Variants in CALN1 observed in about 807,000 individuals in gnomAD.
The protein encoded by CALN1 is calcium-binding protein 8.
CALN1 carries 17 observed loss-of-function variants against 30.6 expected under a neutral mutation model. That is an observed-to-expected ratio of 0.56 (90% CI 0.38 to 0.83). CALN1 has a LOEUF of 0.83. Among genes scored for constraint, CALN1 ranks in the 40% least tolerant of loss-of-function variants. The pLI is 0.00. For synonymous variants in CALN1, 156 were observed against 131.4 expected, an observed-to-expected ratio of 1.19 and a Z score of -1.28; for missense variants, 291 against 354.9, an observed-to-expected ratio of 0.82 and a Z score of 1.45.
intron 3 of CALN1, among the ~76,000 whole-genome samples, chr7:72,152,066 CCAGCT>C (rs1195731618): frequency 6.6e-6 from 1 of 151,654 alleles, no homozygotes; most frequent in Admixed American, 6.6e-5. Context: ...CCACTACTGC[CCAGCT>C]AAGTTTTGTA....
chr7:72,142,395 C>T (rs780551316), intron 3 of CALN1, among the ~76,000 whole-genome samples: 3 of 152,134 alleles, frequency 2.0e-5, no homozygotes, highest in African/African-American at 7.2e-5. Context: ...AGTCTGAGAT[C>T]GAACTACAAC....
intron 5 of CALN1, among the ~76,000 whole-genome samples, chr7:71,984,020 T>C (rs773619842): frequency 5.9e-5 from 9 of 152,172 alleles, no homozygotes; most frequent in Non-Finnish European, 1.3e-4. Context: ...ATAATATAGA[T>C]GGACCTCTAG....
intron 3 of CALN1, among the ~76,000 whole-genome samples, chr7:72,174,387 T>C (rs1448272365): frequency 6.6e-6 from 1 of 152,164 alleles, no homozygotes; most frequent in African/African-American, 2.4e-5. Context: ...CTTAGCTATT[T>C]ACCCAAGAGA....
intron 4 of CALN1, among the ~76,000 whole-genome samples, chr7:72,089,406 C>T (rs1009571131): frequency 2.0e-5 from 3 of 152,020 alleles, no homozygotes; most frequent in Non-Finnish European, 4.4e-5. Context: ...GGAGAACCCC[C>T]ACAAAACAAA....
intron 5 of CALN1, among the ~76,000 whole-genome samples, chr7:71,847,434 G>A (rs999729050): frequency 2.0e-5 from 3 of 151,916 alleles, no homozygotes; most frequent in Non-Finnish European, 2.9e-5. Flanking sequence ...TGGATCACCT[G>A]AGGTCAGGAG....
intron 5 of CALN1, among the ~76,000 whole-genome samples, chr7:71,884,959 T>C (rs1185771976): frequency 3.3e-5 from 4 of 119,606 alleles, no homozygotes. Flanking sequence ...GAAGCCACTG[T>C]AAGACTTCAA....
chr7:72,387,744 G>A (rs913935977), intron 2 of CALN1, among the ~76,000 whole-genome samples: 1 of 152,132 alleles, frequency 6.6e-6, no homozygotes, highest in Non-Finnish European at 1.5e-5. Flanking sequence ...ACAGCCAAGG[G>A]GAACTAAGGA....
At chr7:71,829,208 G>C (rs534051336) in intron 5 of CALN1, among the ~76,000 whole-genome samples, 1 of 152,222 alleles carries the variant, frequency 6.6e-6, no homozygotes, top group Non-Finnish European at 1.5e-5. Flanking sequence ...TCTCAAATTG[G>C]GGTTCACAAC....
At chr7:71,963,532 T>C (rs1333488985) in intron 5 of CALN1, among the ~76,000 whole-genome samples, 1 of 151,966 alleles carries the variant, frequency 6.6e-6, no homozygotes, top group Non-Finnish European at 1.5e-5. Flanking sequence ...CTTGAACTCC[T>C]GACCTCAAAT....
Position 71,913,386 on chromosome 7 carries a change from A to T in CALN1, c.502-102894T>A, listed in dbSNP as rs142114482. ...TTAGTGGCAAATTCTTCAAAAGATC[A>T]GAGGGGCAGCAACCCCTGAGGATAA... is the stretch of plus-strand genomic sequence containing the variant. On this transcript the variant is annotated intron_variant, in intron 5 of 6. Coordinates refer to ENST00000395275, the MANE Select transcript of CALN1 (RefSeq NM_031468.4). 7.9e-5 allele frequency among the ~76,000 whole-genome samples: 12 copies of T among 152,268 alleles called. No homozygotes were observed. The East Asian group carries it at 2.3e-3, about 29-fold the overall frequency.
At chr7:71,924,670 C>G (rs898071307) in intron 5 of CALN1, among the ~76,000 whole-genome samples, 1 of 151,774 alleles carries the variant, frequency 6.6e-6, no homozygotes, top group Non-Finnish European at 1.5e-5. Flanking sequence ...TTCATGATAT[C>G]TGTTTACCTT....
At chr7:72,098,185 A>G (rs1458928756) in intron 4 of CALN1, among the ~76,000 whole-genome samples, 2 of 152,142 alleles carry the variant, frequency 1.3e-5, no homozygotes, top group African/African-American at 4.8e-5. Flanking sequence ...TGATGGAGGG[A>G]TCCTGGCCCC....
intron 5 of CALN1, among the ~76,000 whole-genome samples, chr7:71,816,932 C>T (rs1208942152): frequency 6.6e-6 from 1 of 152,156 alleles, no homozygotes; most frequent in Admixed American, 6.5e-5. Context: ...TGCACCACTG[C>T]ACTCCAGCCT....
intron 4 of CALN1, among the ~76,000 whole-genome samples, chr7:72,086,443 G>C (rs1241717973): frequency 6.6e-6 from 1 of 151,262 alleles, no homozygotes; most frequent in African/African-American, 2.5e-5. Flanking sequence ...TATTATTATT[G>C]TTATTATTAG....
At chr7:71,953,689 G>A (rs1796813402) in intron 5 of CALN1, among the ~76,000 whole-genome samples, 1 of 152,068 alleles carries the variant, frequency 6.6e-6, no homozygotes, top group African/African-American at 2.4e-5. Context: ...TTTACTGAGT[G>A]CCATTTATGT....
chr7:72,099,858 C>T (rs1424775835), intron 4 of CALN1, among the ~76,000 whole-genome samples: 1 of 152,152 alleles, frequency 6.6e-6, no homozygotes, highest in African/African-American at 2.4e-5. Flanking sequence ...AATAGAAATT[C>T]GCTGCAAGAT....
chr7:72,278,637 C>T, intron 3 of CALN1, 49 bp downstream of exon 3: 1 of 1,589,054 alleles, frequency 6.3e-7, no homozygotes, highest in East Asian at 2.3e-5. Context: ...TAGCCAGAAA[C>T]ACCTCCCTGG....
intron 4 of CALN1, among the ~76,000 whole-genome samples, chr7:72,059,243 A>G (rs1474443823): frequency 6.6e-6 from 1 of 152,206 alleles, no homozygotes; most frequent in Non-Finnish European, 1.5e-5. Flanking sequence ...TCCTAAAAGT[A>G]GGTCAGAGGG....
intron 1 of CALN1, among the ~76,000 whole-genome samples, chr7:72,438,721 T>G (rs1205915832): frequency 6.6e-6 from 1 of 152,176 alleles, no homozygotes. Context: ...GGCCTTATGT[T>G]GCTTCATCTC....
Sources: allele counts gnomAD v4.1 joint callset (sites outside exome capture counted in the v4.1 genomes callset), GRCh38; gene constraint gnomAD v4.1.1; transcripts MANE v1.5; gene names NCBI Gene and HGNC (gene_info 2026-07-23, HGNC 2026-07-21).